UBE2V2: variants seen among roughly 807,000 people sequenced by gnomAD.
UBE2V2 encodes ubiquitin conjugating enzyme E2 V2.
A neutral mutation model predicts 17.2 loss-of-function variants in UBE2V2; 9 were observed. The observed-to-expected ratio is 0.52, with a 90% CI of 0.32 to 0.91. UBE2V2 has a LOEUF of 0.91. Among genes scored for constraint, UBE2V2 ranks in the 40% least tolerant of loss-of-function variants. The probability of loss-of-function intolerance (pLI) is 0.04; values close to 1 mark genes in which losing one functional copy is unlikely to be tolerated. For synonymous variants in UBE2V2, 61 were observed against 57.5 expected, an observed-to-expected ratio of 1.06 and a Z score of -0.28; for missense variants, 133 against 182.6, an observed-to-expected ratio of 0.73 and a Z score of 1.56.
At chr8:48,035,210 G>T in intron 1 of UBE2V2, 2 of 862,628 alleles carry the variant, frequency 2.3e-6, no homozygotes, top group Non-Finnish European at 2.8e-6. Context: ...CTGCCTCCCG[G>T]GTTCAAGCAA....
intron 1 of UBE2V2, among the ~76,000 whole-genome samples, chr8:48,032,413 A>G (rs548279833): frequency 1.2e-4 from 19 of 152,090 alleles, no homozygotes; most frequent in Non-Finnish European, 2.2e-4. Context: ...ATCTATTTGT[A>G]TAAATTCACA....
In UBE2V2 at chr8:48,063,407, T is replaced by C. The variant is rs1475526797; in HGVS notation, c.*2579T>C. On this transcript the variant is annotated 3_prime_UTR_variant, in exon 4 of 4. Coordinates refer to ENST00000523111, the MANE Select transcript of UBE2V2 (RefSeq NM_003350.3). ...GAAATTTTTCCTTTGTTTTGTAAAG[T>C]GGCTAAGGTTGTAGGAGTGTGTGGT... is the stretch of plus-strand genomic sequence containing the variant. 1 of 152,222 alleles carries C rather than the reference T, an allele frequency of 6.6e-6. No homozygotes were observed. Among genetic ancestry groups the C allele is most frequent in the Non-Finnish European group, 1.5e-5 (1 of 68,042 alleles). The allele number at this position is 152,222 out of a possible 1,614,324, so 9.4% of individuals were successfully genotyped here.
chr8:48,050,286 G>A (rs937238613), intron 3 of UBE2V2: 10 of 157,488 alleles, frequency 6.3e-5, no homozygotes, highest in Admixed American at 3.9e-4. Flanking sequence ...CCAGGCTGGA[G>A]TACAATTGTG....
At chr8:48,035,046 G>C in intron 1 of UBE2V2, 1 of 984,466 alleles carries the variant, frequency 1.0e-6, no homozygotes, top group Non-Finnish European at 1.2e-6. Flanking sequence ...GCAGAAGTTA[G>C]CATTCCTCTT....
intron 1 of UBE2V2, among the ~76,000 whole-genome samples, chr8:48,027,466 T>C (rs2091353365): frequency 6.6e-6 from 1 of 152,206 alleles, no homozygotes; most frequent in Non-Finnish European, 1.5e-5. Context: ...ACTAGTGTTA[T>C]TGAGTATCTT....
chr8:48,016,607 C>T (rs1274568313), intron 1 of UBE2V2, among the ~76,000 whole-genome samples: 4 of 151,794 alleles, frequency 2.6e-5, no homozygotes, highest in Admixed American at 6.6e-5. Context: ...CTCAGCCTCC[C>T]GAGTAGCTGG....
At chr8:48,045,158 G>T (rs2154507797) in intron 2 of UBE2V2, among the ~76,000 whole-genome samples, 1 of 152,318 alleles carries the variant, frequency 6.6e-6, no homozygotes, top group Non-Finnish European at 1.5e-5. Context: ...TGGTTTTGGA[G>T]CTGCAGGAGA....
intron 1 of UBE2V2, among the ~76,000 whole-genome samples, chr8:48,037,905 A>T (rs929009155): frequency 3.9e-5 from 6 of 152,100 alleles, no homozygotes; most frequent in Non-Finnish European, 8.8e-5. Flanking sequence ...GTTGCAGCAA[A>T]GTGAAGTTTA....
intron 1 of UBE2V2, among the ~76,000 whole-genome samples, chr8:48,027,015 C>T (rs1339191583): frequency 2.0e-5 from 3 of 152,108 alleles, no homozygotes; most frequent in Admixed American, 6.6e-5. Context: ...GACGGAGTCT[C>T]GCTCTGTTGC....
chr8:48,027,777 G>A (rs1293751359), intron 1 of UBE2V2, among the ~76,000 whole-genome samples: 1 of 152,244 alleles, frequency 6.6e-6, no homozygotes, highest in African/African-American at 2.4e-5. Flanking sequence ...TGGCATTACA[G>A]GCGTAAGCCA....
upstream of UBE2V2, among the ~76,000 whole-genome samples, chr8:48,003,942 G>C (rs1022584477): frequency 6.6e-6 from 1 of 152,196 alleles, no homozygotes; most frequent in Admixed American, 6.6e-5. Context: ...AAATCATTCA[G>C]GAGGTATCAG....
chr8:48,004,835 A>AT (rs560447500), upstream of UBE2V2, among the ~76,000 whole-genome samples: 1,077 of 142,196 alleles, frequency 7.6e-3, 9 homozygotes, highest in South Asian at 0.025. Context: ...GGCCCCCTGC[A>AT]TTTTTTTTTT....
intron 1 of UBE2V2, 163 bp downstream of exon 1, chr8:48,008,633 G>A: frequency 9.6e-7 from 1 of 1,039,252 alleles, no homozygotes; most frequent in Non-Finnish European, 1.2e-6. Flanking sequence ...TGGGACCGGC[G>A]CCGAGGCCCC....
intron 2 of UBE2V2, among the ~76,000 whole-genome samples, chr8:48,044,264 G>T (rs1009196587): frequency 2.0e-5 from 3 of 152,052 alleles, no homozygotes; most frequent in Non-Finnish European, 2.9e-5. Flanking sequence ...GGGCTCAAGC[G>T]ATCCTTCCAC....
the UBE2V2 span, among the ~76,000 whole-genome samples, chr8:47,998,751 C>T: frequency 6.6e-6 from 1 of 151,630 alleles, no homozygotes; most frequent in East Asian, 1.9e-4. Context: ...TATCCCCTTC[C>T]CGGTTTCGGC....
At chr8:48,043,280 TC>T in intron 2 of UBE2V2, 99 bp downstream of exon 2, 1 of 939,324 alleles carries the variant, frequency 1.1e-6, no homozygotes, top group African/African-American at 1.7e-5. Flanking sequence ...TATGATAACT[TC>T]TAAAATAGTT....
At chr8:48,035,674 C>CTT (rs11363680) in intron 1 of UBE2V2, among the ~76,000 whole-genome samples, 4 of 26,960 alleles carry the variant, frequency 1.5e-4, no homozygotes, top group African/African-American at 1.8e-4. Context: ...TGTATGTATG[C>CTT]TTTTTTTTTT....
rs796549178 is a variant in UBE2V2, at chr8:48,050,688, C to CAAA, written c.291+725_291+727dup. On this transcript the variant is annotated intron_variant, in intron 3 of 3. Coordinates refer to ENST00000523111, the MANE Select transcript of UBE2V2 (RefSeq NM_003350.3). ...TGGGTGAAAGAGCGAAACTCCGTCTCAAAAAAAAAAAAAAAAAGAGATGAT... is the reference window on the plus strand; with the variant it reads ...TGGGTGAAAGAGCGAAACTCCGTCTCAAAAAAAAAAAAAAAAAAAAGAGATGAT... Among the ~76,000 whole-genome samples, 270 of 61,846 alleles carry CAAA rather than the reference C, an allele frequency of 4.4e-3. 1 individual carries two copies. The highest frequency in any genetic ancestry group is 0.016 in the African/African-American group (265 of 16,756). The allele number at this position is 61,846 out of a possible 152,430, so 40.6% of individuals were successfully genotyped here.
intron 1 of UBE2V2, among the ~76,000 whole-genome samples, chr8:48,023,238 A>G (rs2091317507): frequency 6.7e-6 from 1 of 148,242 alleles, no homozygotes; most frequent in African/African-American, 2.5e-5. Flanking sequence ...TTTTTTTGAG[A>G]CAGAGTATTG....
Sources: gnomAD v4.1 joint callset for allele counts (sites outside exome capture counted in the v4.1 genomes callset) on GRCh38, gnomAD v4.1.1 for gene constraint, MANE v1.5 for transcripts, NCBI Gene and HGNC (gene_info 2026-07-23, HGNC 2026-07-21) for gene names.